PTTG1IP2: variants seen among roughly 807,000 people sequenced by gnomAD.
The protein encoded by PTTG1IP2 is PTTG1IP family member 2.
chr7:90,502,774 A>G (rs1285990430), intron 6 of PTTG1IP2, among the ~76,000 whole-genome samples: 1 of 152,242 alleles, frequency 6.6e-6, no homozygotes, highest in Non-Finnish European at 1.5e-5. Flanking sequence ...ATGTGCTATC[A>G]TCTAGGCTTT....
chr7:90,510,457 G>T (rs1229436859), intron 6 of PTTG1IP2, among the ~76,000 whole-genome samples: 1 of 152,158 alleles, frequency 6.6e-6, no homozygotes, highest in Non-Finnish European at 1.5e-5. Flanking sequence ...GGAGAATCAT[G>T]TACACACCTT....
chr7:90,513,013 C>T (rs543222589), intron 6 of PTTG1IP2, among the ~76,000 whole-genome samples: 172 of 152,224 alleles, frequency 1.1e-3, no homozygotes, highest in African/African-American at 3.9e-3. Context: ...TTCGTGTTGG[C>T]AGAAGGAAAT....
At chr7:90,505,559 CTGT>C (rs1336448414) in intron 6 of PTTG1IP2, among the ~76,000 whole-genome samples, 1 of 152,216 alleles carries the variant, frequency 6.6e-6, no homozygotes, top group Non-Finnish European at 1.5e-5. Flanking sequence ...ACTTAACCTA[CTGT>C]TTCCTTCTGG....
intron 1 of PTTG1IP2, among the ~76,000 whole-genome samples, chr7:90,470,555 A>G (rs1430317072): frequency 6.6e-6 from 1 of 152,208 alleles, no homozygotes; most frequent in Non-Finnish European, 1.5e-5. Flanking sequence ...AGACAATGAG[A>G]CAGAATAATT....
chr7:90,509,574 C>A (rs1376837083), intron 6 of PTTG1IP2, among the ~76,000 whole-genome samples: 2 of 152,110 alleles, frequency 1.3e-5, no homozygotes, highest in Non-Finnish European at 2.9e-5. Flanking sequence ...GTAACTCCAA[C>A]CAGAAGCTGG....
chr7:90,510,248 T>A (rs1798171892), intron 6 of PTTG1IP2, among the ~76,000 whole-genome samples: 1 of 152,128 alleles, frequency 6.6e-6, no homozygotes, highest in Non-Finnish European at 1.5e-5. Flanking sequence ...TCTATGATTG[T>A]CAGTGCCTAG....
At chr7:90,510,533 G>T (rs1037778543) in intron 6 of PTTG1IP2, among the ~76,000 whole-genome samples, 1 of 152,168 alleles carries the variant, frequency 6.6e-6, no homozygotes, top group Non-Finnish European at 1.5e-5. Context: ...ATGCATGCAT[G>T]TATGTTTGCC....
chr7:90,512,323 AGGG>A (rs1475619257), intron 6 of PTTG1IP2, among the ~76,000 whole-genome samples: 2 of 152,224 alleles, frequency 1.3e-5, no homozygotes, highest in Non-Finnish European at 2.9e-5. Flanking sequence ...GAAGAAAAGA[AGGG>A]AGTAAAATTA....
chr7:90,497,545 C>T (rs1175523470), intron 6 of PTTG1IP2, among the ~76,000 whole-genome samples: 3 of 117,398 alleles, frequency 2.6e-5, no homozygotes, highest in Non-Finnish European at 4.9e-5. Flanking sequence ...GCCTGGGCGA[C>T]AGAGCGAGAA....
chr7:90,486,826 G>T (rs2374264), intron 2 of PTTG1IP2, among the ~76,000 whole-genome samples: 1 of 151,610 alleles, frequency 6.6e-6, no homozygotes, highest in Non-Finnish European at 1.5e-5. Flanking sequence ...GGGTTCAGGT[G>T]CATGTGATTT....
At chr7:90,509,950 T>A (rs1156715413) in intron 6 of PTTG1IP2, among the ~76,000 whole-genome samples, 4 of 152,270 alleles carry the variant, frequency 2.6e-5, no homozygotes, top group Admixed American at 2.6e-4. Flanking sequence ...TAATAGGTCC[T>A]ATAGTAGCTG....
intron 2 of PTTG1IP2, among the ~76,000 whole-genome samples, chr7:90,483,983 A>G (rs1044365349): frequency 4.0e-5 from 6 of 151,378 alleles, no homozygotes. Flanking sequence ...ATCTAGTGAC[A>G]CCCAATGGTG....
At chr7:90,478,096 C>CAAAA (rs370035849) in intron 1 of PTTG1IP2, among the ~76,000 whole-genome samples, 7 of 68,022 alleles carry the variant, frequency 1.0e-4, no homozygotes, top group African/African-American at 2.1e-4. Context: ...GACTCCGTCT[C>CAAAA]AAAAAAAAAA....
At chr7:90,471,424 T>C (rs112166589) in intron 1 of PTTG1IP2, among the ~76,000 whole-genome samples, 2 of 152,212 alleles carry the variant, frequency 1.3e-5, no homozygotes, top group East Asian at 3.8e-4. Context: ...TTTGAGAGCT[T>C]AGTAATCAAT....
intron 2 of PTTG1IP2, among the ~76,000 whole-genome samples, chr7:90,485,843 A>T (rs1260459890): frequency 6.6e-6 from 1 of 152,104 alleles, no homozygotes; most frequent in Non-Finnish European, 1.5e-5. Flanking sequence ...ATTTCCCTTA[A>T]AACCCTGCTA....
At chr7:90,470,707 G>A (rs891944548) in intron 1 of PTTG1IP2, among the ~76,000 whole-genome samples, 2 of 152,190 alleles carry the variant, frequency 1.3e-5, no homozygotes. Context: ...GGGCGACGCT[G>A]AATTAAAAGA....
intron 2 of PTTG1IP2, among the ~76,000 whole-genome samples, chr7:90,486,204 A>G (rs1797873263): frequency 1.3e-5 from 2 of 152,164 alleles, no homozygotes; most frequent in African/African-American, 4.8e-5. Flanking sequence ...TCAATCTTAC[A>G]GGATTGGTTA....
At chr7:90,497,742 AAAGAAG>A (rs1451241762) in intron 6 of PTTG1IP2, among the ~76,000 whole-genome samples, 111 of 135,640 alleles carry the variant, frequency 8.2e-4, no homozygotes, top group African/African-American at 3.0e-3. Flanking sequence ...AAAAAAAAAA[AAAGAAG>A]AAGAAGAAGA....
intron 1 of PTTG1IP2, 114 bp downstream of exon 1, chr7:90,470,045 G>A (rs1797663440): frequency 6.6e-6 from 1 of 152,632 alleles, no homozygotes; most frequent in Non-Finnish European, 1.5e-5. Flanking sequence ...GTCATTTGGT[G>A]TTGGTGGGAA....
Sources: allele counts gnomAD v4.1 joint callset (sites outside exome capture counted in the v4.1 genomes callset), GRCh38; gene constraint gnomAD v4.1.1; transcripts MANE v1.5; gene names NCBI Gene and HGNC (gene_info 2026-07-23, HGNC 2026-07-21).